Variants in SEMA6D observed in about 807,000 individuals in gnomAD.
The protein encoded by SEMA6D is semaphorin-6D.
In SEMA6D, 35 loss-of-function variants were observed where a neutral mutation model predicts 106.6. The ratio of observed to expected loss-of-function variants is 0.33; its 90% CI spans 0.25 to 0.44. The LOEUF (loss-of-function observed/expected upper bound fraction) is 0.44, where lower values mean the gene tolerates loss of function less well. Ranked by LOEUF, SEMA6D falls within the 20% of genes least tolerant of loss-of-function variation. SEMA6D has a pLI of 1.00. For synonymous variants in SEMA6D, 499 were observed against 487.7 expected, an observed-to-expected ratio of 1.02 and a Z score of -0.31; for missense variants, 1,185 against 1,345.9, an observed-to-expected ratio of 0.88 and a Z score of 1.87.
intron 1 of SEMA6D, among the ~76,000 whole-genome samples, chr15:47,226,083 G>A (rs1051431885): frequency 3.3e-5 from 5 of 152,022 alleles, no homozygotes; most frequent in East Asian, 3.9e-4. Context: ...GCCTAATCCA[G>A]TAGAACCACA....
At chr15:47,600,145 A>G (rs2076618378) in intron 3 of SEMA6D, among the ~76,000 whole-genome samples, 1 of 152,154 alleles carries the variant, frequency 6.6e-6, no homozygotes, top group Non-Finnish European at 1.5e-5. Context: ...CTTTTGCAAA[A>G]CAAACTGAGA....
chr15:47,345,879 A>G (rs897059537), intron 1 of SEMA6D, among the ~76,000 whole-genome samples: 1 of 152,166 alleles, frequency 6.6e-6, no homozygotes, highest in Non-Finnish European at 1.5e-5. Flanking sequence ...ATCAATATGT[A>G]TGTTCTCATC....
At chr15:47,351,256 C>T (rs2144798685) in intron 1 of SEMA6D, among the ~76,000 whole-genome samples, 1 of 152,224 alleles carries the variant, frequency 6.6e-6, no homozygotes, top group Admixed American at 6.5e-5. Flanking sequence ...GATCATCTTC[C>T]CTATCTCTGG....
At chr15:47,350,962 AT>A (rs1174679729) in intron 1 of SEMA6D, among the ~76,000 whole-genome samples, 5 of 152,126 alleles carry the variant, frequency 3.3e-5, no homozygotes, top group African/African-American at 1.2e-4. Context: ...GAAGTGTTCT[AT>A]ATTGGCTACA....
At chr15:47,332,086 G>A (rs2037365021) in intron 1 of SEMA6D, among the ~76,000 whole-genome samples, 1 of 152,164 alleles carries the variant, frequency 6.6e-6, no homozygotes, top group Non-Finnish European at 1.5e-5. Flanking sequence ...TGCTGAGTCT[G>A]TTTCTAATTA....
At chr15:47,305,555 A>G (rs943555408) in intron 1 of SEMA6D, among the ~76,000 whole-genome samples, 1 of 152,224 alleles carries the variant, frequency 6.6e-6, no homozygotes, top group African/African-American at 2.4e-5. Flanking sequence ...GTAGAATGCT[A>G]TAACTCAGAG....
chr15:47,432,643 GA>G (rs1440946249), intron 2 of SEMA6D, among the ~76,000 whole-genome samples: 1 of 76,574 alleles, frequency 1.3e-5, no homozygotes, highest in East Asian at 3.3e-4. Flanking sequence ...GCCCAAAAAA[GA>G]AAAAAAATGG....
At chr15:47,333,243 A>C (rs990365480) in intron 1 of SEMA6D, among the ~76,000 whole-genome samples, 1 of 152,190 alleles carries the variant, frequency 6.6e-6, no homozygotes, top group African/African-American at 2.4e-5. Context: ...ACAGATTACA[A>C]TTTAATGAGT....
intron 4 of SEMA6D, among the ~76,000 whole-genome samples, chr15:47,662,283 G>C (rs1435739): frequency 0.18 from 27,087 of 150,966 alleles, 2,995 homozygotes; most frequent in South Asian, 0.27. Flanking sequence ...TGGCTGTGTT[G>C]TTTCCTCATA....
chr15:47,449,929 T>C (rs916308233), intron 2 of SEMA6D, among the ~76,000 whole-genome samples: 1 of 152,128 alleles, frequency 6.6e-6, no homozygotes, highest in African/African-American at 2.4e-5. Flanking sequence ...TGAGTACTTA[T>C]TTTAAAATGT....
intron 1 of SEMA6D, among the ~76,000 whole-genome samples, chr15:47,404,322 A>G (rs1768873977): frequency 6.6e-6 from 1 of 152,246 alleles, no homozygotes; most frequent in Non-Finnish European, 1.5e-5. Context: ...AAAATGAGCC[A>G]TCATCGTGGC....
In SEMA6D at chr15:47,353,298, G is replaced by A. The variant is rs568940893; in HGVS notation, c.-238-59095G>A. ...ATTCTATTTAGAAGACCACCCACTC[G>A]TGCCCTCCCCAATTCATAATGAGAG... is the stretch of plus-strand genomic sequence containing the variant. On this transcript the variant is annotated intron_variant, in intron 1 of 19. Transcript: ENST00000558014. Among the ~76,000 whole-genome samples the A allele has an allele frequency of 3.3e-5, 5 of 152,146 alleles. 1 individual carries two copies. The South Asian group carries it at 8.3e-4, about 25-fold the overall frequency.
chr15:47,530,956 G>A (rs1358506477), intron 3 of SEMA6D, among the ~76,000 whole-genome samples: 2 of 152,122 alleles, frequency 1.3e-5, no homozygotes, highest in African/African-American at 4.8e-5. Flanking sequence ...ACACTATCTG[G>A]CCAGAATAAG....
chr15:47,339,561 G>A (rs2037724900), intron 1 of SEMA6D, among the ~76,000 whole-genome samples: 2 of 152,302 alleles, frequency 1.3e-5, no homozygotes, highest in African/African-American at 4.8e-5. Context: ...TATGCCAGAT[G>A]TTGAAAATGC....
intron 1 of SEMA6D, among the ~76,000 whole-genome samples, chr15:47,382,795 T>C (rs928350498): frequency 2.0e-5 from 3 of 152,042 alleles, no homozygotes; most frequent in Non-Finnish European, 4.4e-5. Flanking sequence ...AGTGACGGAG[T>C]CTTGTTCTGT....
chr15:47,761,685 G>A lies in SEMA6D; in HGVS notation c.472G>A (p.Glu158Lys), dbSNP rs556801322. 7 of 1,613,294 alleles carry A rather than the reference G, an allele frequency of 4.3e-6. No homozygotes were observed. The South Asian group carries it at 4.4e-5, about 10-fold the overall frequency. ...GTTGAGTACCTTAGAATATGATGGG[G>A]AAGAAATTAGTGGCCTGGCAAGATG... Reference protein sequence around the residue: ...YRLSTLEYDGEEISGLARCPF... With the variant: ...YRLSTLEYDGKEISGLARCPF... Residue 158 changes from glutamate (E) to lysine (K), a missense_variant, in exon 7 of 19, where the codon GAA (glutamate) becomes AAA (lysine). By Grantham distance (56) the Glu-to-Lys change is moderately conservative. This residue lies in a region of SEMA6D where 291 missense variants were observed against 423.8 expected (regional missense o/e 0.69). Coordinates refer to ENST00000536845, the MANE Select transcript of SEMA6D (RefSeq NM_001358351.3).
At chr15:47,196,875 G>T (rs1262782261) in intron 1 of SEMA6D, among the ~76,000 whole-genome samples, 1 of 152,160 alleles carries the variant, frequency 6.6e-6, no homozygotes, top group Non-Finnish European at 1.5e-5. Context: ...ACCAACAAAA[G>T]ATCTTAAGCT....
chr15:47,762,090 G>T (rs909401047), intron 7 of SEMA6D, 110 bp from the exon 8 acceptor site: 26 of 1,190,848 alleles, frequency 2.2e-5, no homozygotes, highest in Non-Finnish European at 3.2e-5. Flanking sequence ...TATTTGTATA[G>T]ATAATGGTAA....
At chr15:47,425,685 T>G (rs2041310024) in intron 2 of SEMA6D, among the ~76,000 whole-genome samples, 3 of 151,778 alleles carry the variant, frequency 2.0e-5, no homozygotes, top group Admixed American at 2.0e-4. Context: ...TTTTTTTTTT[T>G]TTTGAGACAG....
Sources: gnomAD v4.1 joint callset for allele counts (sites outside exome capture counted in the v4.1 genomes callset) on GRCh38, gnomAD v4.1.1 for gene constraint, gnomAD v4.1.1 regional missense constraint, MANE v1.5 for transcripts, NCBI Gene and HGNC (gene_info 2026-07-23, HGNC 2026-07-21) for gene names.